SLC5A12: variants seen among roughly 807,000 people sequenced by gnomAD.
The protein encoded by SLC5A12 is sodium-coupled monocarboxylate transporter 2.
In SLC5A12, 46 loss-of-function variants were observed where a neutral mutation model predicts 72.7. The observed-to-expected ratio is 0.63, with a 90% CI of 0.50 to 0.81. SLC5A12 has a LOEUF of 0.81. Among genes scored for constraint, SLC5A12 ranks in the 30% least tolerant of loss-of-function variants. The probability of loss-of-function intolerance (pLI) is 0.00; values close to 1 mark genes in which losing one functional copy is unlikely to be tolerated. For missense variants in SLC5A12, 683 were observed against 740.7 expected, an observed-to-expected ratio of 0.92 and a Z score of 0.90; for synonymous variants, 275 against 264.4, an observed-to-expected ratio of 1.04 and a Z score of -0.39.
intron 13 of SLC5A12, among the ~76,000 whole-genome samples, chr11:26,677,315 T>A (rs962239199): frequency 5.3e-5 from 8 of 152,182 alleles, no homozygotes; most frequent in African/African-American, 1.9e-4. Flanking sequence ...GTGTAAGAAT[T>A]TTCAATCAAA....
chr11:26,671,058 TG>T lies in SLC5A12; in HGVS notation c.*43del. On this transcript the variant is annotated 3_prime_UTR_variant, in exon 15 of 15. Coordinates refer to ENST00000396005, the MANE Select transcript of SLC5A12 (RefSeq NM_178498.4). Reference sequence around the variant, plus strand: ...GAAGTATGTGGAGTTTGTGTGTGTGTGTGTGTATTGCACGTGTGTGTGTGCA... The same window carrying T: ...GAAGTATGTGGAGTTTGTGTGTGTGTTGTGTATTGCACGTGTGTGTGTGCA... 2 of 1,552,814 alleles carry T rather than the reference TG, an allele frequency of 1.3e-6. No individual in the cohort carries two copies. The highest frequency in any genetic ancestry group is 8.8e-7 in the Non-Finnish European group (1 of 1,138,594).
At chr11:26,684,586 C>T (rs1181182779) in intron 10 of SLC5A12, among the ~76,000 whole-genome samples, 1 of 152,044 alleles carries the variant, frequency 6.6e-6, no homozygotes, top group Non-Finnish European at 1.5e-5. Context: ...TCTTAAACTG[C>T]GTGGCACACA....
intron 1 of SLC5A12, among the ~76,000 whole-genome samples, chr11:26,718,525 G>A (rs1440391284): frequency 6.6e-6 from 1 of 151,848 alleles, no homozygotes; most frequent in African/African-American, 2.4e-5. Context: ...AGTGGATCTC[G>A]GCAGTTCACT....
Position 26,703,613 on chromosome 11 carries a change from A to G in SLC5A12, c.739T>C (p.Phe247Leu), listed in dbSNP as rs201306863. The G allele has an allele frequency of 5.6e-5, 91 of 1,614,054 alleles. No individual in the cohort carries two copies. The East Asian group carries it at 1.9e-3, about 34-fold the overall frequency. ...TFWTITVGGT[F>L]TWLGIYGVNQ... ...ACCCCATAGATTCCGAGCCAAGTAA[A>G]AGTTCCTCCCACTGTGATAGTCCAA... The change falls in exon 6 of 15, where the codon TTT (phenylalanine) becomes CTT (leucine). Residue 247 changes from phenylalanine to leucine, a missense_variant. Transcript: ENST00000396005.
intron 4 of SLC5A12, among the ~76,000 whole-genome samples, chr11:26,705,922 TCATACACA>T (rs1429002931): frequency 1.9e-5 from 2 of 104,242 alleles, no homozygotes; most frequent in Non-Finnish European, 2.1e-5. Context: ...CTTTTCTCTG[TCATACACA>T]CACACACACA....
At chr11:26,711,004 A>T (rs1034713871) in intron 3 of SLC5A12, among the ~76,000 whole-genome samples, 1 of 152,140 alleles carries the variant, frequency 6.6e-6, no homozygotes, top group Non-Finnish European at 1.5e-5. Flanking sequence ...ACTTAGCAAC[A>T]TATACAATAC....
In SLC5A12 at chr11:26,668,029, A is replaced by T. The variant is rs1207399747; in HGVS notation, c.*3073T>A. On this transcript the variant is annotated 3_prime_UTR_variant, in exon 15 of 15. Coordinates refer to ENST00000396005, the MANE Select transcript of SLC5A12 (RefSeq NM_178498.4). ...ATATGATTTACTTATATAAATCTTC[A>T]TAATAATTCTATTAAGTAGGGGTAA... 6.6e-6 allele frequency: 1 copy of T among 152,066 alleles called. No individual in the cohort carries two copies. Among genetic ancestry groups the T allele is most frequent in the Non-Finnish European group, 1.5e-5 (1 of 67,992 alleles). The allele number at this position is 152,066 out of a possible 1,614,324, so 9.4% of individuals were successfully genotyped here.
Position 26,721,795 on chromosome 11 carries a change from T to G in SLC5A12, c.-81A>C, listed in dbSNP as rs2133233371. The stretch of plus-strand genomic sequence containing the variant: ...TTTCCAAAAGCAAAGTTCAGTACAG[T>G]GGATGCTTTGCTGAGAGGAGAGACT... On this transcript the variant is annotated 5_prime_UTR_variant, in exon 1 of 15. Transcript: ENST00000396005. 2 of 1,222,984 alleles carry G rather than the reference T, an allele frequency of 1.6e-6. No individual in the cohort carries two copies. Among genetic ancestry groups the G allele is most frequent in the African/African-American group, 1.5e-5 (1 of 66,020 alleles). 75.8% of individuals were successfully genotyped at this position (1,222,984 alleles called of 1,614,324 possible).
At position 26,705,283 on chromosome 11, in the gene SLC5A12, GA is replaced by G. The variant is rs544541034; in HGVS notation, c.526-1337del. On this transcript the variant is annotated intron_variant, in intron 4 of 14. Transcript: ENST00000396005. ...AGGCTGTTGTAGTATTACAGGTATA[GA>G]AGCCCTTAGGATGATGATCTATGTG... Among the ~76,000 whole-genome samples the G allele has an allele frequency of 6.8e-3, 1,034 of 152,110 alleles. 4 individuals are homozygous for G. The highest frequency in any genetic ancestry group is 0.011 in the Non-Finnish European group (758 of 67,974).
intron 1 of SLC5A12, among the ~76,000 whole-genome samples, chr11:26,720,552 T>C (rs79730105): frequency 0.037 from 5,699 of 152,056 alleles, 350 homozygotes; most frequent in African/African-American, 0.13. Flanking sequence ...TTTATACTCA[T>C]ATAGCTTACA....
intron 3 of SLC5A12, 88 bp from the exon 4 acceptor site, chr11:26,709,467 A>T: frequency 1.0e-6 from 1 of 995,670 alleles, no homozygotes; most frequent in Non-Finnish European, 1.5e-6. Flanking sequence ...CAATATTTTT[A>T]TCAGTGTTCT....
At chr11:26,681,925 A>C (rs1454307802) in intron 11 of SLC5A12, among the ~76,000 whole-genome samples, 1 of 152,070 alleles carries the variant, frequency 6.6e-6, no homozygotes, top group African/African-American at 2.4e-5. Flanking sequence ...AAAAAATAGA[A>C]GAGGCCTTGG....
chr11:26,685,362 C>T (rs1854504359), intron 10 of SLC5A12, among the ~76,000 whole-genome samples: 1 of 152,162 alleles, frequency 6.6e-6, no homozygotes. Context: ...TGGCTCACAT[C>T]TGTAATCCCA....
In SLC5A12 at chr11:26,669,191, C is replaced by CTTTCTTTCTTTCTTTCTTTCTT. The variant is rs1565179476; in HGVS notation, c.*1889_*1910dup. On this transcript the variant is annotated 3_prime_UTR_variant, in exon 15 of 15. Transcript: ENST00000396005. Reference sequence around the variant, plus strand: ...TTTTTCTTTCTTTCTTTCTTCTTTTCTTTCTTTCTTTCTTTCTTTCTTTCT... The same window carrying CTTTCTTTCTTTCTTTCTTTCTT: ...TTTTTCTTTCTTTCTTTCTTCTTTTCTTTCTTTCTTTCTTTCTTTCTTTTTCTTTCTTTCTTTCTTTCTTTCT... 24 of 43,910 alleles carry CTTTCTTTCTTTCTTTCTTTCTT rather than the reference C, an allele frequency of 5.5e-4. 1 individual carries two copies. The highest frequency in any genetic ancestry group is 9.4e-4 in the Admixed American group (4 of 4,274). The allele number at this position is 43,910 out of a possible 1,614,324, so 2.7% of individuals were successfully genotyped here. A position where few individuals can be genotyped will look rare whatever the true frequency, so the allele number is the denominator to read the frequency against.
intron 1 of SLC5A12, among the ~76,000 whole-genome samples, chr11:26,717,856 T>C (rs1855387493): frequency 8.5e-5 from 13 of 152,142 alleles, no homozygotes; most frequent in Admixed American, 8.5e-4. Flanking sequence ...CTGTTCTCTA[T>C]GTGTCCACTG....
rs1027882862 is a variant in SLC5A12, at chr11:26,669,455, A to G, written c.*1647T>C. 5.9e-5 allele frequency: 9 copies of G among 151,804 alleles called. No homozygotes were observed. The highest frequency in any genetic ancestry group is 1.9e-4 in the African/African-American group (8 of 41,358). 9.4% of individuals were successfully genotyped at this position (151,804 alleles called of 1,614,324 possible). ...AAATTCTGCTCCTTCTCATTTTCAG[A>G]TATTTCTCCAAATGTGACCCCTTTT... On this transcript the variant is annotated 3_prime_UTR_variant, in exon 15 of 15. Transcript: ENST00000396005.
chr11:26,679,205 T>G (rs956887790), intron 12 of SLC5A12, among the ~76,000 whole-genome samples: 2 of 152,118 alleles, frequency 1.3e-5, no homozygotes, highest in East Asian at 3.9e-4. Context: ...TAGACAATCA[T>G]AAAATGGGTT....
intron 12 of SLC5A12, among the ~76,000 whole-genome samples, chr11:26,680,383 GTATATATATTCATATATATATA>G (rs1565185793): frequency 1.1e-5 from 1 of 94,462 alleles, no homozygotes; most frequent in Non-Finnish European, 2.2e-5. Context: ...ATATATATAT[GTATATATATTCATATATATATA>G]TATATTTCCT....
At chr11:26,701,884 G>A (rs1036474065) in intron 6 of SLC5A12, among the ~76,000 whole-genome samples, 1 of 152,088 alleles carries the variant, frequency 6.6e-6, no homozygotes, top group African/African-American at 2.4e-5. Context: ...AGCGATAAAC[G>A]TTTAGTAAGC....
Sources: allele counts gnomAD v4.1 joint callset (sites outside exome capture counted in the v4.1 genomes callset), GRCh38; gene constraint gnomAD v4.1.1; transcripts MANE v1.5; gene names NCBI Gene and HGNC (gene_info 2026-07-23, HGNC 2026-07-21).